Variants in FNDC5 observed in about 807,000 individuals in gnomAD.
FNDC5 encodes the protein fibronectin type III domain containing 5, also known as fibronectin type III domain-containing protein 5.
Under a neutral mutation model 24.6 loss-of-function variants are expected in FNDC5, and 10 were observed. That is an observed-to-expected ratio of 0.41 (90% confidence interval 0.25 to 0.69). The LOEUF (loss-of-function observed/expected upper bound fraction) is 0.69. Among genes scored for constraint, FNDC5 ranks in the 30% least tolerant of loss-of-function variants. The pLI is 0.34. For synonymous variants in FNDC5, 90 were observed against 110.7 expected (o/e 0.81, Z 1.18); for missense variants, 226 against 282.9 (o/e 0.80, Z 1.44).
At position 32,864,305 on chromosome 1, in the gene FNDC5, T is replaced by C. The variant is rs375525627; in HGVS notation, c.634-6A>G. ...CACTGAAAAGGTTTTCATATCTGTT[T>C]TACAGAAGAGGAAATGAAGGTACAG... On this transcript the variant is annotated splice_region_variant and splice_polypyrimidine_tract_variant and intron_variant, in intron 5 of 5. Transcript: ENST00000373471. The C allele has an allele frequency of 2.7e-5, 44 of 1,613,990 alleles. No individual in the cohort carries two copies. The highest frequency in any genetic ancestry group is 3.6e-5 in the Non-Finnish European group (42 of 1,180,002).
Position 32,863,955 on chromosome 1 carries a change from C to T in FNDC5, c.*339G>A. 1 of 1,285,478 alleles carries T rather than the reference C, an allele frequency of 7.8e-7. No individual in the cohort carries two copies. The highest frequency in any genetic ancestry group is 1.0e-6 in the Non-Finnish European group (1 of 1,000,622). The allele number at this position is 1,285,478 out of a possible 1,614,324, so 79.6% of individuals were successfully genotyped here. The stretch of plus-strand genomic sequence containing the variant: ...CTGCCTGGATGTCTTGTCTTTTTGC[C>T]TTTTCAAACCCAGCCTTCAGCCTCA... On this transcript the variant is annotated 3_prime_UTR_variant, in exon 6 of 6. Transcript: ENST00000373471.
At position 32,864,051 on chromosome 1, in the gene FNDC5, C is replaced by T. The variant is rs1388811583; in HGVS notation, c.*243G>A. On this transcript the variant is annotated 3_prime_UTR_variant, in exon 6 of 6. Coordinates refer to ENST00000373471, the MANE Select transcript of FNDC5 (RefSeq NM_153756.3). ...CACCCAGTCTACCCCCAGCAGTCAT[C>T]CCTCTGAGTGCAGCCTCAGCCACTG... The T allele has an allele frequency of 1.4e-6, 2 of 1,424,664 alleles. No individual in the cohort carries two copies. Among genetic ancestry groups the T allele is most frequent in the Non-Finnish European group, 1.8e-6 (2 of 1,087,030 alleles). 88.3% of individuals were successfully genotyped at this position (1,424,664 alleles called of 1,614,324 possible). A position where few individuals can be genotyped will look rare whatever the true frequency, so the allele number is the denominator to read the frequency against.
Position 32,870,801 on chromosome 1 carries a change from G to A in FNDC5, c.-55C>T. On this transcript the variant is annotated 5_prime_UTR_variant, in exon 1 of 6. Transcript: ENST00000373471. ...CGGCGCAGGGGGACGCGGCTCCGGC[G>A]CCCGGCGGCCGCTCGCGCTCGCGCT... 1.3e-6 allele frequency: 1 copy of A among 787,294 alleles called. No individual in the cohort carries two copies. Among genetic ancestry groups the A allele is most frequent in the East Asian group, 1.3e-4 (1 of 7,574 alleles). 48.8% of individuals were successfully genotyped at this position (787,294 alleles called of 1,614,324 possible). A position where few individuals can be genotyped will look rare whatever the true frequency, so the allele number is the denominator to read the frequency against.
intron 1 of FNDC5, among the ~76,000 whole-genome samples, chr1:32,869,754 A>G (rs1171734657): frequency 1.3e-5 from 2 of 151,982 alleles, no homozygotes; most frequent in Non-Finnish European, 2.9e-5. Flanking sequence ...TGATAGGGAT[A>G]GTGGGGGTCA....
intron 1 of FNDC5, among the ~76,000 whole-genome samples, chr1:32,869,944 G>A (rs1033120517): frequency 1.3e-5 from 2 of 152,096 alleles, no homozygotes; most frequent in Non-Finnish European, 2.9e-5. Context: ...AGACATGGAG[G>A]GGGAGGTGGA....
intron 5 of FNDC5, 89 bp downstream of exon 5, chr1:32,864,575 C>G: frequency 6.3e-7 from 1 of 1,591,056 alleles, no homozygotes; most frequent in Non-Finnish European, 8.5e-7. Context: ...GTCGCCATGC[C>G]AGTCCCCGAG....
chr1:32,869,656 A>G (rs1569995132), intron 1 of FNDC5, among the ~76,000 whole-genome samples: 2 of 152,234 alleles, frequency 1.3e-5, no homozygotes, highest in East Asian at 3.9e-4. Flanking sequence ...GGGCCCCTCC[A>G]TGGCGAGTGG....
rs770357935 is a variant in FNDC5 at position 32,864,801 on chromosome 1, A to T, written c.500-4T>A. ...CGGCAGAAGAGGGCAATGACACCTG[A>T]GGGGGGACAAGTGAGCAGTCAGAGG... On this transcript the variant is annotated splice_polypyrimidine_tract_variant and splice_region_variant and intron_variant, in intron 4 of 5. Transcript: ENST00000373471. The T allele has an allele frequency of 4.3e-6, 7 of 1,613,674 alleles. No homozygotes were observed. The highest frequency in any genetic ancestry group is 5.9e-6 in the Non-Finnish European group (7 of 1,179,986).
chr1:32,870,829 G>C lies in FNDC5; in HGVS notation c.-83C>G, dbSNP rs1313937133. Reference sequence around the variant, plus strand: ...CGGCGGCCGCTCGCGCTCGCGCTCCGGCCCCCGGCCCGGCCGGCCCGGCCG... The same window carrying C: ...CGGCGGCCGCTCGCGCTCGCGCTCCCGCCCCCGGCCCGGCCGGCCCGGCCG... On this transcript the variant is annotated 5_prime_UTR_variant, in exon 1 of 6. Transcript: ENST00000373471. 2.9e-5 allele frequency: 12 copies of C among 418,388 alleles called. No individual in the cohort carries two copies. In the East Asian group the frequency reaches 1.9e-3, roughly 66 times the overall value. The allele number at this position is 418,388 out of a possible 1,614,324, so 25.9% of individuals were successfully genotyped here.
rs1295884898 is a variant in FNDC5, at chr1:32,868,676, G to C, written c.210+206C>G. On this transcript the variant is annotated intron_variant, in intron 2 of 5. Transcript: ENST00000373471. The surrounding 1 kb of genome is among the most constrained non-coding windows in gnomAD (Gnocchi z 4.8). ...GAAAGTTCCCAAACCCTCCCTCACT[G>C]ACTGATTCTCTTCTAGAGAATTTTC... 6.6e-6 allele frequency among the ~76,000 whole-genome samples: 1 copy of C among 152,032 alleles called. No individual in the cohort carries two copies. The highest frequency in any genetic ancestry group is 1.5e-5 in the Non-Finnish European group (1 of 68,008).
intron 4 of FNDC5, among the ~76,000 whole-genome samples, chr1:32,867,266 C>T (rs903010896): frequency 6.6e-6 from 1 of 151,942 alleles, no homozygotes; most frequent in Admixed American, 6.6e-5. Context: ...GCAGGAGGGC[C>T]ATTCTAATGG....
Position 32,863,668 on chromosome 1 carries a change from C to T in FNDC5, c.*626G>A. On this transcript the variant is annotated 3_prime_UTR_variant, in exon 6 of 6. Transcript: ENST00000373471. ...CCTCCCCACTGCTGCAGTTGTCCCT[C>T]TCCCTGTGCCCGTGGGCCTGGGGAC... The T allele has an allele frequency of 7.8e-7, 1 of 1,289,060 alleles. No homozygotes were observed. Among genetic ancestry groups the T allele is most frequent in the Non-Finnish European group, 1.0e-6 (1 of 975,156 alleles). 79.9% of individuals were successfully genotyped at this position (1,289,060 alleles called of 1,614,324 possible).
intron 1 of FNDC5, among the ~76,000 whole-genome samples, chr1:32,870,091 G>C (rs1176974577): frequency 6.6e-6 from 1 of 152,128 alleles, no homozygotes; most frequent in East Asian, 1.9e-4. Context: ...AGCCAGGAGG[G>C]ACAAAGACAG....
rs1489085609 is a variant in FNDC5, at chr1:32,862,280, T to G, written c.*2014A>C. On this transcript the variant is annotated 3_prime_UTR_variant, in exon 6 of 6. Transcript: ENST00000373471. ...GAAGACAAGGATGTGCCTTTTCATT[T>G]GTCTTTTTATTTTACATTTAAAAAG... The G allele has an allele frequency of 6.5e-6, 1 of 152,694 alleles. No homozygotes were observed. The highest frequency in any genetic ancestry group is 6.5e-5 in the Admixed American group (1 of 15,292). 9.5% of individuals were successfully genotyped at this position (152,694 alleles called of 1,614,324 possible). A position where few individuals can be genotyped will look rare whatever the true frequency, so the allele number is the denominator to read the frequency against.
At position 32,863,630 on chromosome 1, in the gene FNDC5, G is replaced by T. The variant is rs2148708905; in HGVS notation, c.*664C>A. ...GACAAGGAGAAGAGAGAACTGTGCA[G>T]CTAGCTGTGCCTCCTCCCCACTGCT... On this transcript the variant is annotated 3_prime_UTR_variant, in exon 6 of 6. Coordinates refer to ENST00000373471, the MANE Select transcript of FNDC5 (RefSeq NM_153756.3). The T allele has an allele frequency of 1.8e-6, 2 of 1,102,602 alleles. No homozygotes were observed. Among genetic ancestry groups the T allele is most frequent in the Middle Eastern group, 2.8e-4 (1 of 3,514 alleles). 68.3% of individuals were successfully genotyped at this position (1,102,602 alleles called of 1,614,324 possible).
Position 32,868,215 on chromosome 1 carries a change from A to G in FNDC5, c.384T>C (p.Ala128=), listed in dbSNP as rs779570641. Residue 128 remains alanine, a synonymous_variant, in exon 3 of 6, where the codon GCT becomes GCC. Transcript: ENST00000373471. The surrounding 1 kb of genome is among the most constrained non-coding windows in gnomAD (Gnocchi z 4.8). ...CTTTGTTCTTGGAGGCCATCTTCTCAGCCTCACGCGGGGTCTTGAAGAGCA... is the reference window on the plus strand; with the variant it reads ...CTTTGTTCTTGGAGGCCATCTTCTCGGCCTCACGCGGGGTCTTGAAGAGCA... 7 of 1,613,948 alleles carry G rather than the reference A, an allele frequency of 4.3e-6. No homozygotes were observed. In the South Asian group the frequency reaches 5.5e-5, roughly 13 times the overall value.
rs767234279 is a variant in FNDC5 at position 32,864,698 on chromosome 1, G to T, written c.599C>A (p.Pro200Gln). Reference sequence around the variant, plus strand: ...GAGAAGCCCCCCGCCCTGGTGCTCTGGTGTGCTGGTTTCTGATGCACTCTT... The same window carrying T: ...GAGAAGCCCCCCGCCCTGGTGCTCTTGTGTGCTGGTTTCTGATGCACTCTT... Residue 200 changes from proline to glutamine, a missense_variant, in exon 5 of 6, where the codon CCA (proline) becomes CAA (glutamine). Transcript: ENST00000373471. 1 of 1,614,182 alleles carries T rather than the reference G, an allele frequency of 6.2e-7. No individual in the cohort carries two copies. The highest frequency in any genetic ancestry group is 8.5e-7 in the Non-Finnish European group (1 of 1,180,046).
In FNDC5 at chr1:32,870,739, G is replaced by C. The variant is rs996558393; in HGVS notation, c.8C>G (p.Pro3Arg). 8.6e-7 allele frequency: 1 copy of C among 1,156,282 alleles called. No individual in the cohort carries two copies. The highest frequency in any genetic ancestry group is 1.1e-6 in the Non-Finnish European group (1 of 940,252). The allele number at this position is 1,156,282 out of a possible 1,614,324, so 71.6% of individuals were successfully genotyped here. A position where few individuals can be genotyped will look rare whatever the true frequency, so the allele number is the denominator to read the frequency against. The change falls in exon 1 of 6, where the codon CCC (proline) becomes CGC (arginine). Residue 3 changes from proline to arginine, a missense_variant. Coordinates refer to ENST00000373471, the MANE Select transcript of FNDC5 (RefSeq NM_153756.3). ...GGGCGGCCAGGCGCTCGGCGACCCG[G>C]GGTGTATGGTGGCTCCTCCGGCCGG...
At position 32,868,428 on chromosome 1, in the gene FNDC5, A is replaced by G; in HGVS notation, c.211-40T>C. On this transcript the variant is annotated intron_variant, in intron 2 of 5. Coordinates refer to ENST00000373471, the MANE Select transcript of FNDC5 (RefSeq NM_153756.3). This position sits in a 1 kb window ranked among gnomAD's most constrained non-coding sequence, Gnocchi z 4.8. ...CGGTCACTGCTGTCAACACTCGGTG[A>G]CCAGCCCCGCTCCTGCCCACCTCCC... 1.3e-6 allele frequency: 2 copies of G among 1,592,730 alleles called. No individual in the cohort carries two copies. Among genetic ancestry groups the G allele is most frequent in the Non-Finnish European group, 1.7e-6 (2 of 1,167,410 alleles).
Sources: gnomAD v4.1 joint callset for allele counts (sites outside exome capture counted in the v4.1 genomes callset) on GRCh38, gnomAD v4.1.1 for gene constraint, Gnocchi (gnomAD v3.1) non-coding constraint, MANE v1.5 for transcripts, NCBI Gene and HGNC (gene_info 2026-07-23, HGNC 2026-07-21) for gene names.